Variants in GPATCH2L observed in about 807,000 individuals in gnomAD.
The protein encoded by GPATCH2L is G-patch domain containing 2 like, also known as G patch domain-containing protein 2-like.
GPATCH2L carries 31 observed loss-of-function variants against 57.4 expected under a neutral mutation model. The observed-to-expected ratio is 0.54, with a 90% CI of 0.41 to 0.73. The LOEUF (loss-of-function observed/expected upper bound fraction) is 0.73, where lower values mean the gene tolerates loss of function less well. Among genes scored for constraint, GPATCH2L ranks in the 30% least tolerant of loss-of-function variants. The pLI is 0.00. For missense variants in GPATCH2L, 481 were observed against 599.9 expected (o/e 0.80, Z 2.07); for synonymous variants, 199 against 210.7 (o/e 0.94, Z 0.48).
chr14:76,201,707 G>A lies in GPATCH2L; in HGVS notation c.1305G>A (p.Val435=), dbSNP rs1390132505. 1.9e-6 allele frequency: 3 copies of A among 1,612,318 alleles called. No homozygotes were observed. Among genetic ancestry groups the A allele is most frequent in the Non-Finnish European group, 2.5e-6 (3 of 1,179,222 alleles). The part of the protein sequence containing the change: ...SSPSAVHMDA[V]EPTTPASQAP... ...CCTTACTAGTTCACATGGATGCAGT[G>A]GAGCCAACCACACCAGCATCACAAG... The change falls in exon 10 of 10, where the codon GTG becomes GTA. Residue 435 remains valine, a synonymous_variant. Coordinates refer to ENST00000261530, the MANE Select transcript of GPATCH2L (RefSeq NM_017926.4).
rs1594941234 is a variant in GPATCH2L at position 76,173,992 on chromosome 14, T to C, written c.984+367T>C. The C allele has an allele frequency of 1.7e-5, 5 of 293,140 alleles. No individual in the cohort carries two copies. In the East Asian group the frequency reaches 2.9e-4, roughly 17 times the overall value. 18.2% of individuals were successfully genotyped at this position (293,140 alleles called of 1,614,324 possible). ...GACTCCTCTTGAATTCATGAATGCA[T>C]CTTTGTTCTTTCCTAATTTTGGTCT... On this transcript the variant is annotated intron_variant, in intron 5 of 9. Transcript: ENST00000261530.
At chr14:76,231,782 G>T (rs1279003338) in intron 2 of GPATCH2L, among the ~76,000 whole-genome samples, 1 of 152,080 alleles carries the variant, frequency 6.6e-6, no homozygotes, top group Non-Finnish European at 1.5e-5. Context: ...TTGGCATTTT[G>T]TTATAATTTC....
rs140533831 is a variant in GPATCH2L, at chr14:76,173,023, T to C, written c.905-523T>C. ...AAACTTAAAATGGCCTATAATCTCATATCCAGAGACAATCTCATTAATAAC... is the reference window on the plus strand; with the variant it reads ...AAACTTAAAATGGCCTATAATCTCACATCCAGAGACAATCTCATTAATAAC... On this transcript the variant is annotated intron_variant, in intron 4 of 9. Coordinates refer to ENST00000261530, the MANE Select transcript of GPATCH2L (RefSeq NM_017926.4). 2.8e-3 allele frequency among the ~76,000 whole-genome samples: 424 copies of C among 152,280 alleles called. 2 individuals carry two copies. Among genetic ancestry groups the C allele is most frequent in the Middle Eastern group, 0.01 (3 of 294 alleles).
Position 76,201,948 on chromosome 14 carries a change from C to A in GPATCH2L, c.*97C>A. 1 of 995,548 alleles carries A rather than the reference C, an allele frequency of 1.0e-6. No homozygotes were observed. The highest frequency in any genetic ancestry group is 1.5e-6 in the Non-Finnish European group (1 of 678,864). 61.7% of individuals were successfully genotyped at this position (995,548 alleles called of 1,614,324 possible). ...TCTTGCATATCTTAATCGACATTCC[C>A]AGTCCTTTCACCACCAGAACCAACT... On this transcript the variant is annotated 3_prime_UTR_variant, in exon 10 of 10. Coordinates refer to ENST00000261530, the MANE Select transcript of GPATCH2L (RefSeq NM_017926.4).
At chr14:76,184,023 G>GGGGTGTGT (rs1321748835) in intron 8 of GPATCH2L, among the ~76,000 whole-genome samples, 3 of 5,930 alleles carry the variant, frequency 5.1e-4, no homozygotes, top group East Asian at 5.9e-3. Flanking sequence ...TCATTAGCAT[G>GGGGTGTGT]GTGTGTGTGT....
intron 1 of GPATCH2L, among the ~76,000 whole-genome samples, chr14:76,221,043 T>TAAA (rs112035944): frequency 0.023 from 3,169 of 140,564 alleles, 72 homozygotes; most frequent in South Asian, 0.079. Context: ...AAGACTGATT[T>TAAA]AAAAAAAAAA....
chr14:76,153,625 A>G (rs566699279), intron 1 of GPATCH2L: 1 of 152,330 alleles, frequency 6.6e-6, no homozygotes, highest in Admixed American at 6.5e-5. Flanking sequence ...AAAATTGTTA[A>G]TTATTCAAAA....
At chr14:76,173,837 CA>C (rs59407603) in intron 5 of GPATCH2L, 250,204 of 405,542 alleles carry the variant, frequency 0.62, 57,183 homozygotes, top group African/African-American at 0.67. Flanking sequence ...GAAGTACTGA[CA>C]AAAAAAAAAA....
chr14:76,231,234 A>G (rs2040559942), intron 2 of GPATCH2L, among the ~76,000 whole-genome samples: 1 of 152,136 alleles, frequency 6.6e-6, no homozygotes, highest in Non-Finnish European at 1.5e-5. Flanking sequence ...CGAAGCCCTC[A>G]CTGTTGGTAC....
rs773941974 is a variant in GPATCH2L, at chr14:76,213,112, A to G, written c.*11261A>G. 6.6e-6 allele frequency: 1 copy of G among 152,182 alleles called. No homozygotes were observed. The highest frequency in any genetic ancestry group is 1.5e-5 in the Non-Finnish European group (1 of 68,032). 9.4% of individuals were successfully genotyped at this position (152,182 alleles called of 1,614,324 possible). ...TTAAAGGCAGGCTAAAAGAATCAAG[A>G]AAAATTAATTAGAAAAATGAGGAAA... On this transcript the variant is annotated 3_prime_UTR_variant, in exon 10 of 10. Coordinates refer to ENST00000261530, the MANE Select transcript of GPATCH2L (RefSeq NM_017926.4).
At chr14:76,194,256 G>A (rs900676191) in intron 8 of GPATCH2L, among the ~76,000 whole-genome samples, 3 of 152,140 alleles carry the variant, frequency 2.0e-5, no homozygotes, top group Admixed American at 1.3e-4. Context: ...TGAGCTTTCA[G>A]AATTAATTAT....
Position 76,154,862 on chromosome 14 carries a change from C to T in GPATCH2L, c.499C>T (p.Arg167Cys), listed in dbSNP as rs141077103. 5.6e-6 allele frequency: 9 copies of T among 1,614,082 alleles called. No individual in the cohort carries two copies. Among genetic ancestry groups the T allele is most frequent in the African/African-American group, 4.0e-5 (3 of 74,934 alleles). ...CAGGTTCAAGTCTGCTAAGAAGCAG[C>T]GTCTGTCCCGCTGGAAGGAGAATAC... ...GCRFKSAKKQ[R>C]LSRWKENTPW... is the part of the protein sequence containing the mutation. The change falls in exon 2 of 10, where the codon CGT (arginine) becomes TGT (cysteine). Residue 167 changes from arginine (R) to cysteine (C), a missense_variant. Arg to Cys is a radical substitution (Grantham distance 180). Coordinates refer to ENST00000261530, the MANE Select transcript of GPATCH2L (RefSeq NM_017926.4). The surrounding 1 kb of genome is among the most constrained non-coding windows in gnomAD (Gnocchi z 4.4).
At chr14:76,182,289 G>A (rs1196044644) in intron 8 of GPATCH2L, among the ~76,000 whole-genome samples, 5 of 148,034 alleles carry the variant, frequency 3.4e-5, no homozygotes, top group South Asian at 2.2e-4. Flanking sequence ...CCCGGGAGGC[G>A]GAGCTTGCAG....
chr14:76,162,870 C>T (rs770824221), intron 2 of GPATCH2L, among the ~76,000 whole-genome samples: 8 of 152,118 alleles, frequency 5.3e-5, no homozygotes, highest in Non-Finnish European at 1.2e-4. Context: ...TAGGGTTCAG[C>T]ATATATGATA....
intron 2 of GPATCH2L, 70 bp from the exon 3 acceptor site, chr14:76,166,593 A>G (rs2038850209): frequency 9.7e-7 from 1 of 1,035,458 alleles, no homozygotes; most frequent in Admixed American, 1.8e-5. Context: ...CTTGAAAACC[A>G]AAATAAGTGT....
At chr14:76,169,310 T>C (rs970301764) in intron 3 of GPATCH2L, among the ~76,000 whole-genome samples, 5 of 152,238 alleles carry the variant, frequency 3.3e-5, no homozygotes, top group Admixed American at 3.3e-4. Context: ...GCAGGACTTA[T>C]TATGTGCAAC....
At chr14:76,225,576 A>G (rs2139869090) in intron 1 of GPATCH2L, among the ~76,000 whole-genome samples, 1 of 152,326 alleles carries the variant, frequency 6.6e-6, no homozygotes, top group East Asian at 1.9e-4. Context: ...TATCAAAAGC[A>G]CTACCTAGAA....
intron 2 of GPATCH2L, among the ~76,000 whole-genome samples, chr14:76,162,925 T>C (rs2543388): frequency 6.6e-6 from 1 of 152,058 alleles, no homozygotes; most frequent in African/African-American, 2.4e-5. Context: ...CAGCTACAGT[T>C]TCAGCTGTGC....
At chr14:76,193,557 G>A (rs939241331) in intron 8 of GPATCH2L, among the ~76,000 whole-genome samples, 2 of 152,046 alleles carry the variant, frequency 1.3e-5, no homozygotes, top group Non-Finnish European at 2.9e-5. Flanking sequence ...AAACATACAG[G>A]GAAGAGTACA....
Sources: gnomAD v4.1 joint callset for allele counts (sites outside exome capture counted in the v4.1 genomes callset) on GRCh38, gnomAD v4.1.1 for gene constraint, Gnocchi (gnomAD v3.1) non-coding constraint, MANE v1.5 for transcripts, NCBI Gene and HGNC (gene_info 2026-07-23, HGNC 2026-07-21) for gene names.